Variants in CYLC1 observed in about 807,000 individuals in gnomAD.
The protein encoded by CYLC1 is cylicin 1, also known as cylicin-1.
Under a neutral mutation model 31.6 loss-of-function variants are expected in CYLC1, and 2 were observed. That is an observed-to-expected ratio of 0.06 (90% CI 0.03 to 0.20). CYLC1 has a LOEUF of 0.20. Ranked by LOEUF, CYLC1 falls within the 10% of genes least tolerant of loss-of-function variation. The pLI, the probability that CYLC1 is intolerant of heterozygous loss-of-function variation, is 1.00. For missense variants in CYLC1, 595 were observed against 424.1 expected (o/e 1.40, Z -3.54); for synonymous variants, 185 against 153.0 (o/e 1.21, Z -1.54).
In CYLC1 at chrX:83,872,874, C is replaced by A; in HGVS notation, c.178-12C>A. 1.8e-6 allele frequency: 2 copies of A among 1,083,012 alleles called. No homozygotes were observed. Among genetic ancestry groups the A allele is most frequent in the Non-Finnish European group, 2.5e-6 (2 of 813,964 alleles). The allele number at this position is 1,083,012 out of a possible 1,213,427, so 89.3% of individuals were successfully genotyped here. ...ATTCACAAATGCTTATTATTCTAAC[C>A]AATCTTTTCAGAGACATGACAAAAG... On this transcript the variant is annotated splice_polypyrimidine_tract_variant and intron_variant, in intron 3 of 4. Transcript: ENST00000329312.
chrX:83,877,480 A>G (rs915134604), intron 4 of CYLC1, among the ~76,000 whole-genome samples: 4 of 110,155 alleles, frequency 3.6e-5, no homozygotes, highest in Non-Finnish European at 7.6e-5. Context: ...TTTCACCATA[A>G]TCATGTAGCA....
intron 4 of CYLC1, among the ~76,000 whole-genome samples, chrX:83,881,653 A>G (rs1209393707): frequency 9.1e-6 from 1 of 110,491 alleles, no homozygotes; most frequent in Admixed American, 9.7e-5. Flanking sequence ...GGTTTTTGAA[A>G]CATTTTCGAG....
intron 4 of CYLC1, among the ~76,000 whole-genome samples, chrX:83,876,099 T>G (rs184786353): frequency 8.9e-4 from 99 of 111,220 alleles, no homozygotes; most frequent in South Asian, 6.0e-3. Context: ...TGGTTTATAA[T>G]AAAACTTTAC....
Position 83,873,167 on chromosome X carries a change from A to G in CYLC1, c.459A>G (p.Lys153=), listed in dbSNP as rs745458962. 2.0e-5 allele frequency: 24 copies of G among 1,203,812 alleles called. No homozygotes were observed. Among genetic ancestry groups the G allele is most frequent in the Non-Finnish European group, 2.5e-5 (22 of 892,010 alleles). The change falls in exon 4 of 5, where the codon AAA becomes AAG. Residue 153 remains lysine, a synonymous_variant. Transcript: ENST00000329312. ...AGCAAATAGTAGAAGAGAAAACTAA[A>G]AGACAAAATGAGGCAGATAAAACTC... ...ESKQIVEEKT[K]RQNEADKTPL... is the part of the protein sequence containing the mutation.
intron 4 of CYLC1, among the ~76,000 whole-genome samples, chrX:83,879,053 T>A (rs1413454626): frequency 1.8e-5 from 2 of 110,101 alleles, no homozygotes; most frequent in Admixed American, 2.0e-4. Flanking sequence ...CTTAGCAATA[T>A]TCTCAAACGT....
intron 4 of CYLC1, among the ~76,000 whole-genome samples, chrX:83,885,892 A>AG (rs2031976241): frequency 9.1e-6 from 1 of 110,027 alleles, no homozygotes; most frequent in Non-Finnish European, 1.9e-5. Context: ...ATAAAATTAG[A>AG]GGGGGGTTAG....
chrX:83,878,404 T>TAA (rs2031850497), intron 4 of CYLC1, among the ~76,000 whole-genome samples: 1 of 45,364 alleles, frequency 2.2e-5, no homozygotes, highest in Non-Finnish European at 3.8e-5. Context: ...TATATATAAA[T>TAA]ATATATAAAT....
In CYLC1 at chrX:83,874,645, T is replaced by A; in HGVS notation, c.1923+14T>A. ...TATGCTCCTTTGGTAAGTTTACTAC[T>A]GTTTTATATTTAGGCTGAAATGGAT... On this transcript the variant is annotated intron_variant, in intron 4 of 4. Coordinates refer to ENST00000329312, the MANE Select transcript of CYLC1 (RefSeq NM_021118.3). 8.7e-7 allele frequency: 1 copy of A among 1,154,980 alleles called. No homozygotes were observed. The highest frequency in any genetic ancestry group is 1.1e-6 in the Non-Finnish European group (1 of 869,726).
intron 2 of CYLC1, 116 bp downstream of exon 2, chrX:83,870,021 A>T: frequency 2.6e-6 from 1 of 391,233 alleles, no homozygotes; most frequent in Non-Finnish European, 3.7e-6. Flanking sequence ...GAATTTTTAT[A>T]AAAATTTTAT....
chrX:83,868,390 T>C (rs191076210), intron 1 of CYLC1, among the ~76,000 whole-genome samples: 18 of 111,241 alleles, frequency 1.6e-4, no homozygotes, highest in East Asian at 8.5e-4. Flanking sequence ...CAGTTTGTAA[T>C]AACTAGATAA....
intron 1 of CYLC1, among the ~76,000 whole-genome samples, chrX:83,868,610 C>A (rs993649024): frequency 9.0e-6 from 1 of 110,763 alleles, no homozygotes; most frequent in African/African-American, 3.3e-5. Context: ...CACACTTTTC[C>A]CCTTGTAGAT....
chrX:83,871,613 G>A, intron 3 of CYLC1, 43 bp downstream of exon 3: 1 of 1,109,563 alleles, frequency 9.0e-7, no homozygotes, highest in Non-Finnish European at 1.2e-6. Context: ...AATCTAAGTT[G>A]GTAAAGCATA....
At chrX:83,884,085 G>A (rs1354227814) in intron 4 of CYLC1, among the ~76,000 whole-genome samples, 1 of 111,364 alleles carries the variant, frequency 9.0e-6, no homozygotes, top group African/African-American at 3.3e-5. Flanking sequence ...CTAACTGAAG[G>A]AGAAAACAGT....
At chrX:83,870,894 A>G (rs1480822517) in intron 2 of CYLC1, among the ~76,000 whole-genome samples, 1 of 110,618 alleles carries the variant, frequency 9.0e-6, no homozygotes, top group South Asian at 3.8e-4. Context: ...AATCCCCAAA[A>G]TGGAATGCAG....
intron 1 of CYLC1, among the ~76,000 whole-genome samples, chrX:83,869,594 A>G (rs2031636155): frequency 9.0e-6 from 1 of 110,903 alleles, no homozygotes; most frequent in Admixed American, 9.7e-5. Context: ...GATATGTACC[A>G]CAATTGGTTT....
intron 4 of CYLC1, among the ~76,000 whole-genome samples, chrX:83,877,549 C>A (rs2031786579): frequency 9.1e-6 from 1 of 110,118 alleles, no homozygotes; most frequent in South Asian, 3.8e-4. Context: ...TTCTCATAAA[C>A]ACCAAGATTG....
intron 4 of CYLC1, among the ~76,000 whole-genome samples, chrX:83,876,371 G>T (rs868197496): frequency 9.0e-6 from 1 of 110,803 alleles, no homozygotes; most frequent in African/African-American, 3.3e-5. Flanking sequence ...TAATTTTTAA[G>T]ATAAGTAAGA....
At chrX:83,880,127 T>C (rs1177047855) in intron 4 of CYLC1, among the ~76,000 whole-genome samples, 1 of 112,120 alleles carries the variant, frequency 8.9e-6, no homozygotes, top group African/African-American at 3.2e-5. Context: ...GTATTACTCC[T>C]TCATCTGTCT....
Position 83,873,228 on chromosome X carries a change from A to G in CYLC1, c.520A>G (p.Lys174Glu). 1 of 1,202,373 alleles carries G rather than the reference A, an allele frequency of 8.3e-7. No homozygotes were observed. Among genetic ancestry groups the G allele is most frequent in the Non-Finnish European group, 1.1e-6 (1 of 890,592 alleles). ...KSSHENEQSKKSKSSSETNPE... is the reference protein window; with the variant it reads ...KSSHENEQSKESKSSSETNPE... ...ATCACATGAAAATGAACAATCCAAG[A>G]AGTCAAAATCCAGTTCAGAAACTAA... is the stretch of plus-strand genomic sequence containing the variant. The change falls in exon 4 of 5, where the codon AAG (lysine) becomes GAG (glutamate). Residue 174 changes from lysine to glutamate, a missense_variant. Coordinates refer to ENST00000329312, the MANE Select transcript of CYLC1 (RefSeq NM_021118.3).
Sources: allele counts gnomAD v4.1 joint callset (sites outside exome capture counted in the v4.1 genomes callset), GRCh38; gene constraint gnomAD v4.1.1; transcripts MANE v1.5; gene names NCBI Gene and HGNC (gene_info 2026-07-23, HGNC 2026-07-21).